The following NOS2 variants were observed in gnomAD, a reference collection of about 807,000 sequenced individuals.
NOS2 encodes nitric oxide synthase, inducible.
A neutral mutation model predicts 136.0 loss-of-function variants in NOS2; 96 were observed. The ratio of observed to expected loss-of-function variants is 0.71; its 90% confidence interval spans 0.60 to 0.84. The LOEUF (loss-of-function observed/expected upper bound fraction) is 0.84. Among genes scored for constraint, NOS2 ranks in the 40% least tolerant of loss-of-function variants. The pLI, the probability that NOS2 is intolerant of heterozygous loss-of-function variation, is 0.00. For synonymous variants in NOS2, 539 were observed against 587.5 expected (o/e 0.92, Z 1.20); for missense variants, 1,237 against 1,496.9 (o/e 0.83, Z 2.87).
intron 13 of NOS2, among the ~76,000 whole-genome samples, chr17:27,772,960 G>A (rs1341640680): frequency 1.3e-5 from 2 of 152,258 alleles, no homozygotes; most frequent in South Asian, 4.1e-4. Flanking sequence ...ACTTGAGCTC[G>A]GGAAGCAGAG....
rs1060826 is a variant in NOS2, at chr17:27,762,841, T to C, written c.2757A>G (p.Thr919=). Residue 919 remains threonine (T), a synonymous_variant, in exon 22 of 27, where the codon ACA becomes ACG. Coordinates refer to ENST00000313735, the MANE Select transcript of NOS2 (RefSeq NM_000625.4). ...SISSSRDHTP[T]EIHLTVAVVT... is the part of the protein sequence containing the mutation. ...CCACGGCCACAGTCAGGTGGATCTC[T>C]GTGGGCGTGTGATCCCGGGAGGAGC... is the stretch of plus-strand genomic sequence containing the variant. The C allele has an allele frequency of 0.64, 991,181 of 1,560,140 alleles. 318,832 individuals are homozygous for C. The highest frequency in any genetic ancestry group is 0.83 in the South Asian group (69,978 of 84,552).
intron 24 of NOS2, among the ~76,000 whole-genome samples, chr17:27,760,412 T>C (rs1202099467): frequency 6.6e-6 from 1 of 152,230 alleles, no homozygotes; most frequent in African/African-American, 2.4e-5. Flanking sequence ...GGGACTTTCC[T>C]GTTACCTCCA....
At chr17:27,772,192 C>T (rs867754358) in intron 14 of NOS2, 116 bp downstream of exon 14, 14 of 1,122,046 alleles carry the variant, frequency 1.2e-5, no homozygotes, top group Middle Eastern at 4.1e-4. Flanking sequence ...ATTAATGATG[C>T]ACATTACCAC....
chr17:27,769,360 G>C (rs1416844660), intron 16 of NOS2, among the ~76,000 whole-genome samples, 175 bp downstream of exon 16: 3 of 152,076 alleles, frequency 2.0e-5, no homozygotes, highest in Non-Finnish European at 4.4e-5. Flanking sequence ...CTGTGAGAGG[G>C]ACTTGGTTTC....
intron 11 of NOS2, among the ~76,000 whole-genome samples, chr17:27,778,271 C>T (rs776039403): frequency 8.6e-5 from 13 of 151,884 alleles, no homozygotes; most frequent in Non-Finnish European, 1.0e-4. Flanking sequence ...GATGAGGAAG[C>T]ACAATGAGAT....
rs1567637005 is a variant in NOS2 at position 27,773,179 on chromosome 17, G to A, written c.1541C>T (p.Pro514Leu). ...CACTCACTTGACCAAGACTTTCAAT[G>A]GAATCTCTCTTCTCTTGGGTCTCCG... is the stretch of plus-strand genomic sequence containing the variant. ...EKRRPKRREI[P>L]LKVLVKAVLF... The change falls in exon 13 of 27, where the codon CCA (proline) becomes CTA (leucine). Residue 514 changes from proline (P) to leucine (L), a missense_variant. Around this residue, in one of 3 missense-constraint regions of NOS2, gnomAD observed 782 missense variants for 909.9 expected, o/e 0.86. Coordinates refer to ENST00000313735, the MANE Select transcript of NOS2 (RefSeq NM_000625.4). 3 of 1,613,824 alleles carry A rather than the reference G, an allele frequency of 1.9e-6. No individual in the cohort carries two copies. The highest frequency in any genetic ancestry group is 2.5e-6 in the Non-Finnish European group (3 of 1,179,826).
In NOS2 at chr17:27,760,760, GA is replaced by G. The variant is rs1567632461; in HGVS notation, c.2889-17del. 1.9e-6 allele frequency: 3 copies of G among 1,548,070 alleles called. No homozygotes were observed. Among genetic ancestry groups the G allele is most frequent in the Admixed American group, 3.9e-5 (2 of 50,906 alleles). On this transcript the variant is annotated splice_polypyrimidine_tract_variant and intron_variant, in intron 23 of 26. Transcript: ENST00000313735. ...GCCGCTGGCACTGAAGAGGACAGGAGAAGAGGGGGCCAGTCCTCAGACACCC... is the reference window on the plus strand; with the variant it reads ...GCCGCTGGCACTGAAGAGGACAGGAGAGAGGGGGCCAGTCCTCAGACACCC...
Position 27,767,772 on chromosome 17 carries a change from G to T in NOS2, c.2100C>A (p.Ser700=). Residue 700 remains serine (S), a synonymous_variant, in exon 18 of 27, where the codon TCC becomes TCA. Transcript: ENST00000313735. The stretch of plus-strand genomic sequence containing the variant: ...AGTGGTGCGGGTCCCAGGTCACATT[G>T]GAGGTGTAGAGCTTGGGGATCTGAA... ...QHIQIPKLYT[S]NVTWDPHHYR... is the part of the protein sequence containing the mutation. 6.2e-7 allele frequency: 1 copy of T among 1,613,126 alleles called. No homozygotes were observed. Among genetic ancestry groups the T allele is most frequent in the South Asian group, 1.1e-5 (1 of 91,032 alleles).
At chr17:27,789,454 T>C (rs1449058512) in intron 3 of NOS2, 150 bp downstream of exon 3, 2 of 650,404 alleles carry the variant, frequency 3.1e-6, no homozygotes, top group East Asian at 2.7e-5. Flanking sequence ...TTCCCACCTG[T>C]TCCCCCCAAC....
Position 27,767,876 on chromosome 17 carries a change from A to G in NOS2, c.2035-39T>C, listed in dbSNP as rs766932181. The G allele has an allele frequency of 3.7e-5, 59 of 1,608,726 alleles. No individual in the cohort carries two copies. The African/African-American group carries it at 4.9e-4, about 13-fold the overall frequency. ...GAGCAGACTGCGGTTAATGGTCAGC[A>G]GCAGCAGCATCCCCACCACTGGGGC... is the stretch of plus-strand genomic sequence containing the variant. On this transcript the variant is annotated intron_variant, in intron 17 of 26. Coordinates refer to ENST00000313735, the MANE Select transcript of NOS2 (RefSeq NM_000625.4).
At chr17:27,761,631 T>G (rs2151325001) in intron 22 of NOS2, among the ~76,000 whole-genome samples, 1 of 152,220 alleles carries the variant, frequency 6.6e-6, no homozygotes, top group East Asian at 1.9e-4. Context: ...CAGCATGAAG[T>G]GGCCCCTCAG....
intron 19 of NOS2, among the ~76,000 whole-genome samples, chr17:27,766,084 T>G (rs1170374811): frequency 6.6e-6 from 1 of 152,224 alleles, no homozygotes; most frequent in East Asian, 1.9e-4. Context: ...AGGCCAGTTT[T>G]CCTAATGCAT....
chr17:27,781,048 C>T lies in NOS2; in HGVS notation c.852G>A (p.Val284=), dbSNP rs745937211. 3 of 1,613,514 alleles carry T rather than the reference C, an allele frequency of 1.9e-6. No homozygotes were observed. Among genetic ancestry groups the T allele is most frequent in the Middle Eastern group, 1.7e-4 (1 of 6,056 alleles). The change falls in exon 8 of 27, where the codon GTG becomes GTA. Residue 284 remains valine, a synonymous_variant. Coordinates refer to ENST00000313735, the MANE Select transcript of NOS2 (RefSeq NM_000625.4). ...DGSIRGDPAN[V]EFTQLCIDLG... is the part of the protein sequence containing the mutation. ...CTGGGCCGGGTACCTGAGTGAATTC[C>T]ACGTTGGCAGGGTCCCCTCTGATGC...
chr17:27,779,163 A>C (rs1435087453), intron 9 of NOS2, 107 bp from the exon 10 acceptor site: 2 of 816,972 alleles, frequency 2.4e-6, no homozygotes, highest in Non-Finnish European at 3.3e-6. Flanking sequence ...GCTGGAGTGC[A>C]GTGCAGTGGC....
At chr17:27,773,075 G>A in intron 13 of NOS2, 86 bp downstream of exon 13, 1 of 1,006,356 alleles carries the variant, frequency 9.9e-7, no homozygotes, top group Non-Finnish European at 1.6e-6. Flanking sequence ...TTGTGTTCTT[G>A]CCCTTCAAGG....
At chr17:27,764,248 G>A in intron 20 of NOS2, 104 bp from the exon 21 acceptor site, 1 of 661,482 alleles carries the variant, frequency 1.5e-6, no homozygotes, top group Non-Finnish European at 2.4e-6. Context: ...CCAGCTGCAG[G>A]GGAAAGGAGG....
chr17:27,768,056 T>C (rs980584680), intron 17 of NOS2, among the ~76,000 whole-genome samples: 3 of 152,176 alleles, frequency 2.0e-5, no homozygotes, highest in South Asian at 2.1e-4. Context: ...AATATTGCTT[T>C]GTTTTTGTTT....
chr17:27,757,374 G>A (rs777079191), intron 26 of NOS2, 21 bp from the exon 27 acceptor site: 3 of 1,609,922 alleles, frequency 1.9e-6, no homozygotes, highest in Non-Finnish European at 2.5e-6. Context: ...AAAACAGAGA[G>A]CAACGTGTCA....
chr17:27,774,169 A>C, intron 12 of NOS2, 88 bp downstream of exon 12: 1 of 1,007,182 alleles, frequency 9.9e-7, no homozygotes, highest in Non-Finnish European at 1.3e-6. Context: ...GTCGTGCCCT[A>C]CATGTGTAAC....
Sources: gnomAD v4.1 joint callset for allele counts (sites outside exome capture counted in the v4.1 genomes callset) on GRCh38, gnomAD v4.1.1 for gene constraint, gnomAD v4.1.1 regional missense constraint, MANE v1.5 for transcripts, NCBI Gene and HGNC (gene_info 2026-07-23, HGNC 2026-07-21) for gene names.